Variants in OTUD7A observed in about 807,000 individuals in gnomAD.
The protein encoded by OTUD7A is OTU deubiquitinase 7A, also known as OTU domain-containing protein 7A.
Under a neutral mutation model 65.7 loss-of-function variants are expected in OTUD7A, and 12 were observed. That is an observed-to-expected ratio of 0.18 (90% CI 0.12 to 0.30). The LOEUF (loss-of-function observed/expected upper bound fraction) is 0.30. Ranked by LOEUF, OTUD7A falls within the 10% of genes least tolerant of loss-of-function variation. OTUD7A has a pLI of 1.00. For missense variants in OTUD7A, 1,148 were observed against 1,304.8 expected, an observed-to-expected ratio of 0.88 and a Z score of 1.85; for synonymous variants, 641 against 586.3, an observed-to-expected ratio of 1.09 and a Z score of -1.35.
chr15:31,796,188 TTATCTATC>T (rs57720765), intron 1 of OTUD7A, among the ~76,000 whole-genome samples: 65,963 of 146,592 alleles, frequency 0.45, 16,351 homozygotes, highest in Middle Eastern at 0.61. Context: ...TATCTATGCA[TTATCTATC>T]TATCTATCTA....
chr15:31,850,298 A>G (rs1422507426), intron 1 of OTUD7A, among the ~76,000 whole-genome samples: 3 of 152,100 alleles, frequency 2.0e-5, no homozygotes, highest in Admixed American at 2.0e-4. Flanking sequence ...TTCTGAGCAA[A>G]CTATTGCAAG....
intron 1 of OTUD7A, among the ~76,000 whole-genome samples, chr15:31,672,990 C>T (rs922525933): frequency 2.0e-5 from 3 of 152,160 alleles, no homozygotes; most frequent in South Asian, 2.1e-4. Context: ...GCTGTCATTA[C>T]AGTCATGGGC....
intron 3 of OTUD7A, among the ~76,000 whole-genome samples, chr15:31,646,295 T>C (rs1891660965): frequency 6.6e-6 from 1 of 152,024 alleles, no homozygotes. Context: ...GGACACAAAG[T>C]GGTGGGGGGC....
At chr15:31,514,757 T>G (rs1168757136) in intron 8 of OTUD7A, among the ~76,000 whole-genome samples, 2 of 152,250 alleles carry the variant, frequency 1.3e-5, no homozygotes, top group African/African-American at 4.8e-5. Context: ...CCACTCCAGA[T>G]GCCACCTTGC....
chr15:31,835,486 C>A (rs1227472979), intron 1 of OTUD7A, among the ~76,000 whole-genome samples: 1 of 152,194 alleles, frequency 6.6e-6, no homozygotes, highest in African/African-American at 2.4e-5. Flanking sequence ...CAAATCCCCA[C>A]TGATTTTTCA....
intron 1 of OTUD7A, among the ~76,000 whole-genome samples, chr15:31,852,490 A>C (rs1416155436): frequency 6.6e-6 from 1 of 152,266 alleles, no homozygotes; most frequent in African/African-American, 2.4e-5. Context: ...GCAATAAACT[A>C]TTCCAAAATA....
At chr15:31,700,345 C>A (rs988435718) in intron 1 of OTUD7A, among the ~76,000 whole-genome samples, 1 of 152,108 alleles carries the variant, frequency 6.6e-6, no homozygotes, top group Non-Finnish European at 1.5e-5. Context: ...CTTTTCCACC[C>A]TTTGCCCTGC....
At chr15:31,698,270 A>G (rs530552094) in intron 1 of OTUD7A, among the ~76,000 whole-genome samples, 44 of 152,370 alleles carry the variant, frequency 2.9e-4, no homozygotes, top group African/African-American at 9.1e-4. Flanking sequence ...CATTTATCCA[A>G]CTTGGTCCCT....
At chr15:31,793,768 T>C (rs1474291310) in intron 1 of OTUD7A, among the ~76,000 whole-genome samples, 2 of 152,220 alleles carry the variant, frequency 1.3e-5, no homozygotes, top group Non-Finnish European at 2.9e-5. Context: ...TTTTTAGCCC[T>C]GTGGCTTTCC....
intron 3 of OTUD7A, among the ~76,000 whole-genome samples, chr15:31,610,864 C>T (rs1890398276): frequency 1.3e-5 from 2 of 151,236 alleles, no homozygotes; most frequent in Admixed American, 6.6e-5. Flanking sequence ...CTCCTGACCT[C>T]GTGATCTGCC....
intron 1 of OTUD7A, among the ~76,000 whole-genome samples, chr15:31,753,723 A>ATATATATATATATATTT (rs1567005141): frequency 1.2e-5 from 1 of 83,844 alleles, no homozygotes; most frequent in African/African-American, 5.7e-5. Context: ...TATATATATT[A>ATATATATATATATATTT]TATATATATA....
At chr15:31,589,840 A>ACTATT (rs1219689154) in intron 3 of OTUD7A, among the ~76,000 whole-genome samples, 1 of 152,208 alleles carries the variant, frequency 6.6e-6, no homozygotes, top group Non-Finnish European at 1.5e-5. Flanking sequence ...CTGAATGATA[A>ACTATT]CTATTTTGTG....
At chr15:31,579,280 T>C (rs1200306765) in intron 3 of OTUD7A, among the ~76,000 whole-genome samples, 1 of 152,210 alleles carries the variant, frequency 6.6e-6, no homozygotes. Flanking sequence ...ATAAAAAATA[T>C]CTTTTTCTTT....
At position 31,483,548 on chromosome 15, in the gene OTUD7A, C is replaced by T. The variant is rs1291030364; in HGVS notation, c.2548G>A (p.Ala850Thr). Residue 850 changes from alanine to threonine, a missense_variant, in exon 13 of 13, where the codon GCG becomes ACG. Ala to Thr is a moderately conservative substitution (Grantham distance 58). Around this residue, in one of 6 missense-constraint regions of OTUD7A, gnomAD observed 842 missense variants for 769.5 expected, o/e 1.09. Coordinates refer to ENST00000307050, the MANE Select transcript of OTUD7A (RefSeq NM_001382637.1). ...TAGGTCTGCGACTTGTGCTCGGCCG[C>T]CCCCGCCGTCCCCGCCGCGCCCGGT... ...ALPGAAGTAG[A>T]AEHKSQTYTN... 3.8e-6 allele frequency: 5 copies of T among 1,314,336 alleles called. No homozygotes were observed. Among genetic ancestry groups the T allele is most frequent in the Non-Finnish European group, 4.9e-6 (5 of 1,029,050 alleles). 81.4% of individuals were successfully genotyped at this position (1,314,336 alleles called of 1,614,324 possible).
At chr15:31,631,172 T>G (rs1259833457) in intron 3 of OTUD7A, among the ~76,000 whole-genome samples, 1 of 152,238 alleles carries the variant, frequency 6.6e-6, no homozygotes, top group South Asian at 2.1e-4. Context: ...GATGCAGTTT[T>G]CTTCCTAGCC....
chr15:31,579,963 T>C (rs752947804), intron 3 of OTUD7A, among the ~76,000 whole-genome samples: 4 of 152,190 alleles, frequency 2.6e-5, no homozygotes, highest in Non-Finnish European at 4.4e-5. Context: ...CAGTGAAAAC[T>C]ATGTGCTATG....
At chr15:31,550,814 C>T (rs1191519887) in intron 5 of OTUD7A, among the ~76,000 whole-genome samples, 3 of 152,182 alleles carry the variant, frequency 2.0e-5, no homozygotes, top group Non-Finnish European at 4.4e-5. Flanking sequence ...ATTCATTTCA[C>T]ATGTGTATCC....
chr15:31,632,825 A>T (rs1891216559), intron 3 of OTUD7A, among the ~76,000 whole-genome samples: 1 of 152,172 alleles, frequency 6.6e-6, no homozygotes, highest in South Asian at 2.1e-4. Context: ...GGGCAATGGC[A>T]GGCGCCCCTC....
intron 3 of OTUD7A, among the ~76,000 whole-genome samples, chr15:31,583,060 C>T (rs957950917): frequency 6.6e-6 from 1 of 152,202 alleles, no homozygotes; most frequent in African/African-American, 2.4e-5. Flanking sequence ...GTGTTCAATG[C>T]AACCCAGTTT....
Sources: allele counts gnomAD v4.1 joint callset (sites outside exome capture counted in the v4.1 genomes callset), GRCh38; gene constraint gnomAD v4.1.1; regional missense constraint gnomAD v4.1.1; transcripts MANE v1.5; gene names NCBI Gene and HGNC (gene_info 2026-07-23, HGNC 2026-07-21).